SULF1: variants seen among roughly 807,000 people sequenced by gnomAD.
The protein encoded by SULF1 is extracellular sulfatase Sulf-1.
In SULF1, 46 loss-of-function variants were observed where a neutral mutation model predicts 110.5. The ratio of observed to expected loss-of-function variants is 0.42; its 90% CI spans 0.33 to 0.53. The LOEUF (loss-of-function observed/expected upper bound fraction) is 0.53. Among genes scored for constraint, SULF1 ranks in the 20% least tolerant of loss-of-function variants. SULF1 has a pLI of 0.12. For missense variants in SULF1, 941 were observed against 1,094.2 expected, an observed-to-expected ratio of 0.86 and a Z score of 1.98; for synonymous variants, 371 against 387.1, an observed-to-expected ratio of 0.96 and a Z score of 0.49.
At chr8:69,497,636 T>C (rs1372496438) in intron 2 of SULF1, among the ~76,000 whole-genome samples, 8 of 152,238 alleles carry the variant, frequency 5.3e-5, no homozygotes, top group Non-Finnish European at 8.8e-5. Context: ...ATTTTGCTAC[T>C]GATGAATGGT....
At chr8:69,521,011 G>A (rs1812261426) in intron 3 of SULF1, among the ~76,000 whole-genome samples, 1 of 152,048 alleles carries the variant, frequency 6.6e-6, no homozygotes, top group Admixed American at 6.6e-5. Flanking sequence ...ATAAAATGGG[G>A]GAAAATTTCT....
chr8:69,491,150 C>T (rs1016903485), upstream of SULF1, among the ~76,000 whole-genome samples: 1 of 152,108 alleles, frequency 6.6e-6, no homozygotes, highest in East Asian at 1.9e-4. Context: ...ACACCACGGT[C>T]GATCCAACTA....
At chr8:69,511,844 C>A (rs1021692134) in intron 3 of SULF1, among the ~76,000 whole-genome samples, 1 of 152,142 alleles carries the variant, frequency 6.6e-6, no homozygotes, top group Non-Finnish European at 1.5e-5. Context: ...TATATACATT[C>A]GATGACTTTT....
chr8:69,599,548 G>A (rs1445306542), intron 8 of SULF1, among the ~76,000 whole-genome samples: 2 of 152,166 alleles, frequency 1.3e-5, no homozygotes, highest in African/African-American at 2.4e-5. Flanking sequence ...ATTTTACAGA[G>A]CAGCTGAGAC....
At chr8:69,473,111 A>G (rs1384680777) in intron 1 of SULF1, 3 of 152,120 alleles carry the variant, frequency 2.0e-5, no homozygotes, top group African/African-American at 4.8e-5. Flanking sequence ...AAGTGCTGGT[A>G]TTACAGGTGT....
intron 19 of SULF1, among the ~76,000 whole-genome samples, chr8:69,636,409 C>T (rs550946159): frequency 2.0e-3 from 305 of 151,964 alleles, no homozygotes; most frequent in African/African-American, 7.0e-3. Flanking sequence ...TGGTGGCGGG[C>T]GCCTGTAGTC....
chr8:69,641,949 C>T (rs1811510883), intron 22 of SULF1, among the ~76,000 whole-genome samples: 1 of 151,932 alleles, frequency 6.6e-6, no homozygotes, highest in Non-Finnish European at 1.5e-5. Flanking sequence ...TTCGCCATTG[C>T]TAATTTTCTA....
chr8:69,580,737 G>T (rs184031858), intron 6 of SULF1, among the ~76,000 whole-genome samples: 1 of 152,050 alleles, frequency 6.6e-6, no homozygotes, highest in African/African-American at 2.4e-5. Flanking sequence ...AGGTAGAAGG[G>T]ACAATATTTA....
chr8:69,642,298 G>A, intron 22 of SULF1: 5 of 987,232 alleles, frequency 5.1e-6, no homozygotes, highest in Non-Finnish European at 6.0e-6. Flanking sequence ...TCCTTTTAGA[G>A]AGAAGGTCAT....
chr8:69,533,135 T>C (rs1396263622), intron 3 of SULF1, among the ~76,000 whole-genome samples: 1 of 152,204 alleles, frequency 6.6e-6, no homozygotes, highest in Non-Finnish European at 1.5e-5. Flanking sequence ...ATACCTATTA[T>C]CCCAGCAAGG....
At chr8:69,536,778 A>G (rs778612029) in intron 3 of SULF1, among the ~76,000 whole-genome samples, 9 of 152,130 alleles carry the variant, frequency 5.9e-5, no homozygotes, top group Non-Finnish European at 8.8e-5. Context: ...TTTTAGGCCA[A>G]TGTGTCGAAC....
chr8:69,618,543 T>C (rs938306696), intron 13 of SULF1, among the ~76,000 whole-genome samples: 4 of 152,198 alleles, frequency 2.6e-5, no homozygotes, highest in Non-Finnish European at 4.4e-5. Flanking sequence ...CTGCAGGGCA[T>C]CCTGGACCCA....
At chr8:69,476,914 T>C (rs867765563) in intron 1 of SULF1, among the ~76,000 whole-genome samples, 12 of 152,206 alleles carry the variant, frequency 7.9e-5, no homozygotes, top group Non-Finnish European at 1.5e-4. Context: ...GCACAAACGT[T>C]GGGTTTAGCT....
intron 3 of SULF1, among the ~76,000 whole-genome samples, chr8:69,532,707 G>A (rs1256879657): frequency 6.6e-6 from 1 of 152,098 alleles, no homozygotes; most frequent in Non-Finnish European, 1.5e-5. Context: ...TTTTGTTGTT[G>A]TTTTTACCAT....
chr8:69,544,564 G>A (rs1426739575), intron 3 of SULF1, among the ~76,000 whole-genome samples: 1 of 152,154 alleles, frequency 6.6e-6, no homozygotes, highest in Non-Finnish European at 1.5e-5. Context: ...ACCACACCTG[G>A]CCCAACAAAT....
intron 3 of SULF1, among the ~76,000 whole-genome samples, chr8:69,560,339 C>CTTTTTTT (rs5892203): frequency 6.7e-6 from 1 of 149,082 alleles, no homozygotes; most frequent in Non-Finnish European, 1.5e-5. Flanking sequence ...TCCTGCCAGT[C>CTTTTTTT]TTTTTTTTTT....
At chr8:69,564,553 T>A (rs1815730211) in intron 5 of SULF1, among the ~76,000 whole-genome samples, 1 of 152,244 alleles carries the variant, frequency 6.6e-6, no homozygotes, top group Admixed American at 6.5e-5. Flanking sequence ...TTTCAGTGGT[T>A]ATTAGTATTA....
At chr8:69,654,059 G>A (rs1315038089) in intron 22 of SULF1, among the ~76,000 whole-genome samples, 1 of 152,190 alleles carries the variant, frequency 6.6e-6, no homozygotes, top group African/African-American at 2.4e-5. Context: ...GATCTTGCCA[G>A]GAGTGGCTTA....
intron 5 of SULF1, among the ~76,000 whole-genome samples, chr8:69,565,868 G>C (rs760263906): frequency 6.6e-6 from 1 of 151,986 alleles, no homozygotes; most frequent in Non-Finnish European, 1.5e-5. Context: ...TCTCCCCAAA[G>C]GTGTCTGGTG....
Sources: allele counts gnomAD v4.1 joint callset (sites outside exome capture counted in the v4.1 genomes callset), GRCh38; gene constraint gnomAD v4.1.1; transcripts MANE v1.5; gene names NCBI Gene and HGNC (gene_info 2026-07-23, HGNC 2026-07-21).